Variants in MAMSTR observed in about 807,000 individuals in gnomAD.
MAMSTR encodes MEF2-activating motif and SAP domain-containing transcriptional regulator.
In MAMSTR, 41 loss-of-function variants were observed where a neutral mutation model predicts 42.7. That is an observed-to-expected ratio of 0.96 (90% CI 0.75 to 1.25). MAMSTR has a LOEUF of 1.25. Among genes scored for constraint, MAMSTR ranks in the 50% most tolerant of loss-of-function variants. The pLI is 0.00. For missense variants in MAMSTR, 567 were observed against 557.6 expected, an observed-to-expected ratio of 1.02 and a Z score of -0.17; for synonymous variants, 265 against 244.1, an observed-to-expected ratio of 1.09 and a Z score of -0.80.
At chr19:48,707,807 GGAAA>G (rs1555755147), downstream of MAMSTR, among the ~76,000 whole-genome samples, 101 of 116,648 alleles carry the variant, frequency 8.7e-4, no homozygotes, top group Non-Finnish European at 1.1e-3. Flanking sequence ...AAGGAAGGAA[GGAAA>G]GAAAGAAAGA....
chr19:48,713,283 A>T lies in MAMSTR; in HGVS notation c.1232T>A (p.Leu411Gln). 1 of 1,600,734 alleles carries T rather than the reference A, an allele frequency of 6.2e-7. No homozygotes were observed. Among genetic ancestry groups the T allele is most frequent in the Non-Finnish European group, 8.5e-7 (1 of 1,176,464 alleles). Residue 411 changes from leucine to glutamine, a missense_variant, in exon 10 of 10, where the codon CTG becomes CAG. Transcript: ENST00000318083. ...TAGAATCCATCACCATGGATCCTCC[A>T]GCAGGTCCCACAGCCGGCTGCTGCT... ...DSSSSRLWDL[L>Q]EDPW
chr19:48,710,395 G>C (rs917563925), downstream of MAMSTR, among the ~76,000 whole-genome samples: 3 of 144,678 alleles, frequency 2.1e-5, no homozygotes, highest in Non-Finnish European at 3.0e-5. Context: ...GATTACAGGC[G>C]TGAATCACTG....
intron 9 of MAMSTR, 59 bp from the exon 10 acceptor site, chr19:48,713,609 C>T: frequency 6.2e-7 from 1 of 1,600,070 alleles, no homozygotes; most frequent in South Asian, 1.1e-5. Context: ...CGCCAGCCCC[C>T]CATACCCCAT....
the MAMSTR span, among the ~76,000 whole-genome samples, chr19:48,706,223 G>C: frequency 6.6e-6 from 1 of 150,662 alleles, no homozygotes; most frequent in Non-Finnish European, 1.5e-5. Flanking sequence ...GGAGGCAGAG[G>C]TTGCAGTGAG....
chr19:48,714,863 G>A lies in MAMSTR; in HGVS notation c.471C>T (p.Ser157=). 6.2e-7 allele frequency: 1 copy of A among 1,612,592 alleles called. No homozygotes were observed. The change falls in exon 6 of 10, where the codon AGC becomes AGT. Residue 157 remains serine, a synonymous_variant. Transcript: ENST00000318083. The part of the protein sequence containing the change: ...PLTPCPPGVP[S]PSPPPHKLEL... The stretch of plus-strand genomic sequence containing the variant: ...CCAACTTGTGTGGGGGGGGCGAGGG[G>A]CTAGGGACTCCTGGTGGGCAGGGAG...
chr19:48,713,173 G>A lies in MAMSTR; in HGVS notation c.*94C>T, dbSNP rs1233101732. The stretch of plus-strand genomic sequence containing the variant: ...AGGTTGTCTCCGATCCTGTGTCTGC[G>A]GTAGGAGGGGCTCTGCTGGTAGTTC... On this transcript the variant is annotated 3_prime_UTR_variant, in exon 10 of 10. Coordinates refer to ENST00000318083, the MANE Select transcript of MAMSTR (RefSeq NM_001130915.2). 4 of 1,230,316 alleles carry A rather than the reference G, an allele frequency of 3.3e-6. No individual in the cohort carries two copies. The highest frequency in any genetic ancestry group is 1.5e-5 in the African/African-American group (1 of 65,332). The allele number at this position is 1,230,316 out of a possible 1,614,324, so 76.2% of individuals were successfully genotyped here.
At chr19:48,717,057 GCAATCGC>G (rs1206047892) in intron 2 of MAMSTR, 42 of 966,812 alleles carry the variant, frequency 4.3e-5, no homozygotes, top group Non-Finnish European at 5.2e-5. Flanking sequence ...CACCCCCTGC[GCAATCGC>G]TATCTTGGCA....
chr19:48,714,456 C>T lies in MAMSTR; in HGVS notation c.633G>A (p.Arg211=). The T allele has an allele frequency of 2.2e-6, 3 of 1,358,768 alleles. No individual in the cohort carries two copies. In the African/African-American group the frequency reaches 4.6e-5, roughly 21 times the overall value. 84.2% of individuals were successfully genotyped at this position (1,358,768 alleles called of 1,614,324 possible). Residue 211 remains arginine (R), a synonymous_variant, in exon 7 of 10, where the codon CGG becomes CGA. Transcript: ENST00000318083. ...RMRGGAPPRE[R]PKPRREDSPA... ...GACTGTCCTCGCGCCGCGGCTTCGG[C>T]CGCTCGCGGGGCGGCGCGCCGCCGC...
At chr19:48,710,287 G>C (rs1409339080), downstream of MAMSTR, among the ~76,000 whole-genome samples, 33 of 102,756 alleles carry the variant, frequency 3.2e-4, no homozygotes, top group African/African-American at 1.2e-3. Context: ...TTTTTTTTTT[G>C]TATTTTTAGT....
At chr19:48,718,687 T>C (rs2033142308) in intron 2 of MAMSTR, among the ~76,000 whole-genome samples, 1 of 152,130 alleles carries the variant, frequency 6.6e-6, no homozygotes, top group Non-Finnish European at 1.5e-5. Context: ...CTTCTGCCCC[T>C]GCGTGTGCGC....
downstream of MAMSTR, among the ~76,000 whole-genome samples, chr19:48,707,734 CAA>C (rs1491310724): frequency 1.3e-4 from 17 of 127,888 alleles, 1 homozygote; most frequent in African/African-American, 4.1e-4. Flanking sequence ...GAGCGAAACT[CAA>C]GAGAGAGAGA....
chr19:48,718,383 T>C (rs1339455880), intron 2 of MAMSTR, among the ~76,000 whole-genome samples: 5 of 109,376 alleles, frequency 4.6e-5, no homozygotes, highest in East Asian at 2.0e-4. Flanking sequence ...CACACTTCTT[T>C]TTTTTTTTTT....
chr19:48,713,879 T>A lies in MAMSTR; in HGVS notation c.890A>T (p.Glu297Val), dbSNP rs201114031. Residue 297 changes from glutamate to valine, a missense_variant, in exon 8 of 10, where the codon GAA (glutamate) becomes GTA (valine). Physicochemically the swap from Glu to Val is moderately radical, Grantham distance 121. Transcript: ENST00000318083. ...TCTTACCTGCGCCCTCCGGATCGCT[T>A]CCTGCAGCTCCTCCTCCAGAGTCAG... ...AALTLEEELQ[E>V]AIRRAQLLPN... 2 of 1,612,314 alleles carry A rather than the reference T, an allele frequency of 1.2e-6. No individual in the cohort carries two copies. Among genetic ancestry groups the A allele is most frequent in the Non-Finnish European group, 1.7e-6 (2 of 1,178,680 alleles).
chr19:48,710,484 C>T (rs141217969), downstream of MAMSTR, among the ~76,000 whole-genome samples: 7 of 145,326 alleles, frequency 4.8e-5, no homozygotes, highest in African/African-American at 1.8e-4. Context: ...TGCACTGGTG[C>T]AATCATAGCT....
Position 48,719,007 on chromosome 19 carries a change from G to A in MAMSTR, c.25C>T (p.Arg9Cys). The stretch of plus-strand genomic sequence containing the variant: ...AACTTGGAGCGAATGATTTGGGAAC[G>A]CTGGGAGGAAGCCGCCAGGGTCATT... MTLAASSQ[R>C]SQIIRSKFRS... The change falls in exon 2 of 10, where the codon CGT becomes TGT. Residue 9 changes from arginine (R) to cysteine (C), a missense_variant. Transcript: ENST00000318083. The surrounding 1 kb of genome is among the most constrained non-coding windows in gnomAD (Gnocchi z 4.4). The A allele has an allele frequency of 3.2e-6, 5 of 1,549,968 alleles. No homozygotes were observed. The highest frequency in any genetic ancestry group is 1.2e-5 in the South Asian group (1 of 84,034).
rs201993953 is a variant in MAMSTR at position 48,713,596 on chromosome 19, G to T, written c.965-46C>A. 161 of 1,598,416 alleles carry T rather than the reference G, an allele frequency of 1.0e-4. No individual in the cohort carries two copies. In the East Asian group the frequency reaches 3.5e-3, roughly 35 times the overall value. Reference sequence around the variant, plus strand: ...CATGAGCTTGGAAAGTCAGGGGTCCGGGCGCCAGCCCCCCATACCCCATTT... The same window carrying T: ...CATGAGCTTGGAAAGTCAGGGGTCCTGGCGCCAGCCCCCCATACCCCATTT... On this transcript the variant is annotated intron_variant, in intron 9 of 9. Transcript: ENST00000318083.
At chr19:48,716,097 C>G (rs570527552) in intron 3 of MAMSTR, among the ~76,000 whole-genome samples, 21 of 152,044 alleles carry the variant, frequency 1.4e-4, no homozygotes, top group Non-Finnish European at 2.8e-4. Context: ...ACATCCAGGC[C>G]GGCCGCGGTG....
intron 2 of MAMSTR, among the ~76,000 whole-genome samples, chr19:48,718,380 CTTTTTTTTT>C (rs796615883): frequency 6.4e-4 from 61 of 95,154 alleles, no homozygotes; most frequent in South Asian, 3.8e-3. Context: ...TTGCACACTT[CTTTTTTTTT>C]TTTTTTTTTT....
Position 48,713,517 on chromosome 19 carries a change from C to G in MAMSTR, c.998G>C (p.Gly333Ala). 1 of 1,612,252 alleles carries G rather than the reference C, an allele frequency of 6.2e-7. No individual in the cohort carries two copies. The highest frequency in any genetic ancestry group is 1.7e-5 in the Admixed American group (1 of 59,704). Residue 333 changes from glycine to alanine, a missense_variant, in exon 10 of 10, where the codon GGC (glycine) becomes GCC (alanine). Coordinates refer to ENST00000318083, the MANE Select transcript of MAMSTR (RefSeq NM_001130915.2). ...PLPPIPLDFP[G>A]SFDVLSPSPD... ...GGAGGGGGACAGCACGTCGAAGGAGCCAGGGAAGTCCAGGGGAATAGGGGG... is the reference window on the plus strand; with the variant it reads ...GGAGGGGGACAGCACGTCGAAGGAGGCAGGGAAGTCCAGGGGAATAGGGGG...
Sources: allele counts gnomAD v4.1 joint callset (sites outside exome capture counted in the v4.1 genomes callset), GRCh38; gene constraint gnomAD v4.1.1; non-coding constraint Gnocchi (gnomAD v3.1); transcripts MANE v1.5; gene names NCBI Gene and HGNC (gene_info 2026-07-23, HGNC 2026-07-21).